The following HTR1F variants were observed in gnomAD, a reference collection of about 807,000 sequenced individuals.
The protein encoded by HTR1F is 5-hydroxytryptamine (serotonin) receptor 1F, G protein-coupled.
HTR1F carries 17 observed loss-of-function variants against 24.0 expected under a neutral mutation model. That is an observed-to-expected ratio of 0.71 (90% CI 0.48 to 1.06). HTR1F has a LOEUF of 1.06. Ranked by LOEUF, HTR1F falls within the 50% of genes least tolerant of loss-of-function variation. The pLI is 0.00. For missense variants in HTR1F, 391 were observed against 427.8 expected (o/e 0.91, Z 0.76); for synonymous variants, 186 against 156.8 (o/e 1.19, Z -1.39).
chr3:87,870,783 G>A (rs1705536279), intron 2 of HTR1F, among the ~76,000 whole-genome samples: 1 of 152,042 alleles, frequency 6.6e-6, no homozygotes, highest in Non-Finnish European at 1.5e-5. Flanking sequence ...GAAGAAGCAA[G>A]TTATTACAAG....
intron 2 of HTR1F, among the ~76,000 whole-genome samples, chr3:87,978,890 G>GAGGGAGGGAGGAAGGAAGGA (rs1250443484): frequency 1.5e-4 from 7 of 46,180 alleles, no homozygotes; most frequent in African/African-American, 5.7e-4. Flanking sequence ...GGGAGGGAGG[G>GAGGGAGGGAGGAAGGAAGGA]AGGAAGGAAG....
chr3:87,840,251 A>G (rs1704772443), intron 2 of HTR1F, among the ~76,000 whole-genome samples: 1 of 152,144 alleles, frequency 6.6e-6, no homozygotes, highest in South Asian at 2.1e-4. Flanking sequence ...GATCCTGGAT[A>G]TTAGACCTTT....
chr3:87,815,673 G>A (rs533787250), intron 1 of HTR1F, among the ~76,000 whole-genome samples: 7 of 152,212 alleles, frequency 4.6e-5, no homozygotes, highest in African/African-American at 1.7e-4. Flanking sequence ...GATGGAAAGT[G>A]TAAGTTCCTG....
chr3:87,877,997 TA>T (rs1282804757), intron 2 of HTR1F, among the ~76,000 whole-genome samples: 1 of 152,182 alleles, frequency 6.6e-6, no homozygotes, highest in African/African-American at 2.4e-5. Context: ...TAAAATGCTT[TA>T]CAAATAGGAA....
intron 2 of HTR1F, among the ~76,000 whole-genome samples, chr3:87,848,787 A>T (rs1369949049): frequency 1.3e-5 from 2 of 151,646 alleles, no homozygotes; most frequent in African/African-American, 4.9e-5. Flanking sequence ...ATGTGCAAAA[A>T]TCACAAGCAT....
intron 2 of HTR1F, among the ~76,000 whole-genome samples, chr3:87,968,799 ACCTTTGTGGAAGCCCCTCCCTTCACAGG>A (rs2107492234): frequency 6.6e-6 from 1 of 152,256 alleles, no homozygotes; most frequent in East Asian, 1.9e-4. Flanking sequence ...CATATAAGAG[ACCTTTGTGGAAGCCCCTCCCTTCACAGG>A]CCCAGAGGCC....
chr3:87,833,794 C>T (rs1704629468), intron 2 of HTR1F, among the ~76,000 whole-genome samples: 1 of 152,118 alleles, frequency 6.6e-6, no homozygotes, highest in African/African-American at 2.4e-5. Flanking sequence ...CATAAGCCAC[C>T]ACGTGCCCGG....
At chr3:87,949,988 G>T (rs1322657681) in intron 2 of HTR1F, among the ~76,000 whole-genome samples, 2 of 152,168 alleles carry the variant, frequency 1.3e-5, no homozygotes, top group African/African-American at 4.8e-5. Flanking sequence ...TCTGATGAGG[G>T]CTTTTGTGCT....
intron 2 of HTR1F, among the ~76,000 whole-genome samples, chr3:87,870,452 G>A (rs980675301): frequency 1.3e-5 from 2 of 151,950 alleles, no homozygotes; most frequent in Non-Finnish European, 2.9e-5. Flanking sequence ...ACCAAGCCAA[G>A]AACAACTGAA....
chr3:87,976,391 C>CA (rs909773849), intron 2 of HTR1F, among the ~76,000 whole-genome samples: 14 of 151,176 alleles, frequency 9.3e-5, no homozygotes, highest in Admixed American at 2.6e-4. Flanking sequence ...TATTATGGAT[C>CA]AAAAAAAAAT....
chr3:87,950,054 C>T (rs1430526459), intron 2 of HTR1F, among the ~76,000 whole-genome samples: 1 of 152,124 alleles, frequency 6.6e-6, no homozygotes, highest in Non-Finnish European at 1.5e-5. Flanking sequence ...TGAGGAGGAA[C>T]CAAACTTGAG....
At chr3:87,811,011 T>C (rs1704151828) in intron 1 of HTR1F, among the ~76,000 whole-genome samples, 1 of 152,234 alleles carries the variant, frequency 6.6e-6, no homozygotes, top group Non-Finnish European at 1.5e-5. Context: ...TTTGTTTTTA[T>C]ATGCCAATAG....
chr3:87,940,391 C>T (rs1704540130), intron 2 of HTR1F, among the ~76,000 whole-genome samples: 1 of 152,120 alleles, frequency 6.6e-6, no homozygotes, highest in Admixed American at 6.6e-5. Flanking sequence ...AAGTGCATTC[C>T]CATTCACAGT....
At chr3:87,937,991 G>C (rs1704469608) in intron 2 of HTR1F, among the ~76,000 whole-genome samples, 1 of 151,646 alleles carries the variant, frequency 6.6e-6, no homozygotes, top group South Asian at 2.1e-4. Flanking sequence ...AAGAGAGGAA[G>C]TCAAACTATC....
At chr3:87,963,995 T>C (rs2107483757) in intron 2 of HTR1F, among the ~76,000 whole-genome samples, 1 of 152,230 alleles carries the variant, frequency 6.6e-6, no homozygotes, top group African/African-American at 2.4e-5. Context: ...TCCAGGAACT[T>C]TCTCCAATCC....
intron 2 of HTR1F, among the ~76,000 whole-genome samples, chr3:87,859,084 C>G (rs1298706997): frequency 6.6e-6 from 1 of 152,044 alleles, no homozygotes; most frequent in Non-Finnish European, 1.5e-5. Flanking sequence ...GTAATCCCAG[C>G]CTACTTGGGA....
In HTR1F at chr3:87,991,496, G is replaced by A; in HGVS notation, c.747G>A (p.Lys249=). 1 of 1,614,102 alleles carries A rather than the reference G, an allele frequency of 6.2e-7. No individual in the cohort carries two copies. Among genetic ancestry groups the A allele is most frequent in the Non-Finnish European group, 8.5e-7 (1 of 1,180,010 alleles). ...TTTCCACATCCTATGTACTAGAAAAGTCTTTATCTGACCCATCAACAGACT... is the reference window on the plus strand; with the variant it reads ...TTTCCACATCCTATGTACTAGAAAAATCTTTATCTGACCCATCAACAGACT... ...KSVSTSYVLE[K]SLSDPSTDFD... Residue 249 remains lysine, a synonymous_variant, in exon 3 of 3, where the codon AAG becomes AAA. Transcript: ENST00000319595.
chr3:87,952,754 C>G (rs985784491), intron 2 of HTR1F, among the ~76,000 whole-genome samples: 1 of 151,826 alleles, frequency 6.6e-6, no homozygotes, highest in African/African-American at 2.4e-5. Flanking sequence ...ATAATGCAAG[C>G]TTTCGGATGG....
chr3:87,936,534 A>C (rs1366367890), intron 2 of HTR1F, among the ~76,000 whole-genome samples: 2 of 152,212 alleles, frequency 1.3e-5, no homozygotes, highest in African/African-American at 4.8e-5. Flanking sequence ...AGAAAAAGAT[A>C]ATTTTTATAA....
Sources: gnomAD v4.1 joint callset for allele counts (sites outside exome capture counted in the v4.1 genomes callset) on GRCh38, gnomAD v4.1.1 for gene constraint, MANE v1.5 for transcripts, NCBI Gene and HGNC (gene_info 2026-07-23, HGNC 2026-07-21) for gene names.